KCNQ1: variants seen among roughly 807,000 people sequenced by gnomAD.
The protein encoded by KCNQ1 is potassium voltage-gated channel subfamily KQT member 1.
Under a neutral mutation model 72.4 loss-of-function variants are expected in KCNQ1, and 49 were observed. That is an observed-to-expected ratio of 0.68 (90% confidence interval 0.54 to 0.86). The LOEUF is 0.86. Ranked by LOEUF, KCNQ1 falls within the 40% of genes least tolerant of loss-of-function variation. The probability of loss-of-function intolerance (pLI) is 0.00; values close to 1 mark genes in which losing one functional copy is unlikely to be tolerated. For synonymous variants in KCNQ1, 450 were observed against 412.6 expected (o/e 1.09, Z -1.10); for missense variants, 790 against 945.1 (o/e 0.84, Z 2.15).
At position 2,668,937 on chromosome 11, in the gene KCNQ1, T is replaced by C. The variant is rs1850132246; in HGVS notation, c.1514+6856T>C. ...GCTTTATTAGCTCACCTTTCCCATG[T>C]AGATCTGCACTCCATCTGGGATTGA... On this transcript the variant is annotated intron_variant, in intron 11 of 15. Transcript: ENST00000155840. The surrounding 1 kb of genome is among the most constrained non-coding windows in gnomAD (Gnocchi z 4.3). 2.5e-6 allele frequency: 1 copy of C among 398,624 alleles called. No individual in the cohort carries two copies. Among genetic ancestry groups the C allele is most frequent in the Admixed American group, 4.4e-5 (1 of 22,742 alleles). 24.7% of individuals were successfully genotyped at this position (398,624 alleles called of 1,614,324 possible).
chr11:2,832,706 G>C (rs911962467), intron 15 of KCNQ1, among the ~76,000 whole-genome samples: 12 of 152,236 alleles, frequency 7.9e-5, no homozygotes, highest in Admixed American at 3.3e-4. Context: ...GTGTGGAGAA[G>C]GTTGCTGATG....
Position 2,709,956 on chromosome 11 carries a change from G to A in KCNQ1, c.1514+47875G>A, listed in dbSNP as rs1318104569. Reference sequence around the variant, plus strand: ...AATACTGCCAGGAACATTTGGGTACGAGTTTTTATTGTGGACATAGATTTT... The same window carrying A: ...AATACTGCCAGGAACATTTGGGTACAAGTTTTTATTGTGGACATAGATTTT... On this transcript the variant is annotated intron_variant, in intron 11 of 15. Transcript: ENST00000155840. Among the ~76,000 whole-genome samples, 7 of 152,166 alleles carry A rather than the reference G, an allele frequency of 4.6e-5. No homozygotes were observed. In the East Asian group the frequency reaches 1.2e-3, roughly 25 times the overall value.
rs186296307 is a variant in KCNQ1 at position 2,564,746 on chromosome 11, C to T, written c.478-5882C>T. Among the ~76,000 whole-genome samples the T allele has an allele frequency of 1.1e-3, 165 of 152,336 alleles. 1 individual carries two copies. The highest frequency in any genetic ancestry group is 3.8e-3 in the African/African-American group (159 of 41,572). ...CCCATTAAACACTCACTCCCTACTC[C>T]CCCTTCCCCAGCCCCTGGCGCCCAT... is the stretch of plus-strand genomic sequence containing the variant. On this transcript the variant is annotated intron_variant, in intron 2 of 15. Coordinates refer to ENST00000155840, the MANE Select transcript of KCNQ1 (RefSeq NM_000218.3). The surrounding 1 kb of genome is among the most constrained non-coding windows in gnomAD (Gnocchi z 4.5).
At position 2,715,844 on chromosome 11, in the gene KCNQ1, G is replaced by A. The variant is rs1015131291; in HGVS notation, c.1515-53000G>A. ...CTTGCGCTGGTCTAAATGCCTCCCA[G>A]CCTCCTGAGGTTGAGGGTGGCCACA... On this transcript the variant is annotated intron_variant, in intron 11 of 15. Coordinates refer to ENST00000155840, the MANE Select transcript of KCNQ1 (RefSeq NM_000218.3). This position sits in a 1 kb window ranked among gnomAD's most constrained non-coding sequence, Gnocchi z 4.9. Among the ~76,000 whole-genome samples, 1 of 152,234 alleles carries A rather than the reference G, an allele frequency of 6.6e-6. No individual in the cohort carries two copies. The highest frequency in any genetic ancestry group is 6.5e-5 in the Admixed American group (1 of 15,288).
Position 2,626,992 on chromosome 11 carries a change from G to A in KCNQ1, c.1394-34969G>A. The stretch of plus-strand genomic sequence containing the variant: ...TAGGATTTTTATTGGGATTACCTTG[G>A]ATTTGTAGATTGTTTTGTGTGGTAC... On this transcript the variant is annotated intron_variant, in intron 10 of 15. Transcript: ENST00000155840. The surrounding 1 kb of genome is among the most constrained non-coding windows in gnomAD (Gnocchi z 4.0). The A allele has an allele frequency of 2.5e-6, 1 of 398,532 alleles. No homozygotes were observed. The allele number at this position is 398,532 out of a possible 1,614,324, so 24.7% of individuals were successfully genotyped here.
rs1849948253 is a variant in KCNQ1, at chr11:2,661,085, G to A, written c.1394-876G>A. 2.5e-6 allele frequency: 1 copy of A among 398,348 alleles called. No homozygotes were observed. Among genetic ancestry groups the A allele is most frequent in the African/African-American group, 2.1e-5 (1 of 48,586 alleles). The allele number at this position is 398,348 out of a possible 1,614,324, so 24.7% of individuals were successfully genotyped here. On this transcript the variant is annotated intron_variant, in intron 10 of 15. Transcript: ENST00000155840. This position sits in a 1 kb window ranked among gnomAD's most constrained non-coding sequence, Gnocchi z 5.9. The stretch of plus-strand genomic sequence containing the variant: ...ACAGAGTCACAGTGACATCCCATGT[G>A]CATAAAAGCAACTCCCACCTGGCAT...
intron 2 of KCNQ1, among the ~76,000 whole-genome samples, chr11:2,553,122 TG>T (rs1324443649): frequency 6.6e-6 from 1 of 152,144 alleles, no homozygotes; most frequent in East Asian, 1.9e-4. Flanking sequence ...CTTATTAGTT[TG>T]AGAAGGTTTC....
rs905951018 is a variant in KCNQ1 at position 2,704,656 on chromosome 11, G to A, written c.1514+42575G>A. ...AGCAGGGTGAGGGGGAAGACTACGG[G>A]GGACTTGCCGTCACCCAGTGAGAGA... On this transcript the variant is annotated intron_variant, in intron 11 of 15. Transcript: ENST00000155840. This position sits in a 1 kb window ranked among gnomAD's most constrained non-coding sequence, Gnocchi z 4.3. Among the ~76,000 whole-genome samples the A allele has an allele frequency of 1.3e-5, 2 of 152,204 alleles. No homozygotes were observed. The highest frequency in any genetic ancestry group is 6.5e-5 in the Admixed American group (1 of 15,282).
Position 2,711,904 on chromosome 11 carries a change from G to A in KCNQ1, c.1514+49823G>A, listed in dbSNP as rs1409842572. 6.6e-6 allele frequency among the ~76,000 whole-genome samples: 1 copy of A among 152,122 alleles called. No homozygotes were observed. The highest frequency in any genetic ancestry group is 1.5e-5 in the Non-Finnish European group (1 of 68,006). ...CGGGAAAGGCTGGCCCTGAGGCATGGCAGGTGGCAGGTGGCTGGGGCTGCT... is the reference window on the plus strand; with the variant it reads ...CGGGAAAGGCTGGCCCTGAGGCATGACAGGTGGCAGGTGGCTGGGGCTGCT... On this transcript the variant is annotated intron_variant, in intron 11 of 15. Transcript: ENST00000155840. This position sits in a 1 kb window ranked among gnomAD's most constrained non-coding sequence, Gnocchi z 5.4.
In KCNQ1 at chr11:2,515,531, A is replaced by G. The variant is rs1345877108; in HGVS notation, c.387-12397A>G. 6.6e-6 allele frequency among the ~76,000 whole-genome samples: 1 copy of G among 150,598 alleles called. No homozygotes were observed. The highest frequency in any genetic ancestry group is 2.4e-5 in the African/African-American group (1 of 41,062). On this transcript the variant is annotated intron_variant, in intron 1 of 15. Coordinates refer to ENST00000155840, the MANE Select transcript of KCNQ1 (RefSeq NM_000218.3). The surrounding 1 kb of genome is among the most constrained non-coding windows in gnomAD (Gnocchi z 4.7). ...AGCCGCCATCAGTGGGGGTGAGGGG[A>G]CAAGGCTGCTGGGACCAGGCCTCGC...
rs975641311 is a variant in KCNQ1, at chr11:2,483,812, T to C, written c.386+38328T>C. On this transcript the variant is annotated intron_variant, in intron 1 of 15. Coordinates refer to ENST00000155840, the MANE Select transcript of KCNQ1 (RefSeq NM_000218.3). This position sits in a 1 kb window ranked among gnomAD's most constrained non-coding sequence, Gnocchi z 6.1. ...ACCACTCAGGTAGGAGTGTGTCAGC[T>C]GGGCTTCTCAGCTGTAAATTAACCA... is the stretch of plus-strand genomic sequence containing the variant. Among the ~76,000 whole-genome samples the C allele has an allele frequency of 5.3e-5, 8 of 152,266 alleles. No individual in the cohort carries two copies. The highest frequency in any genetic ancestry group is 3.3e-4 in the Admixed American group (5 of 15,288).
chr11:2,631,964 C>G (rs773154697), intron 10 of KCNQ1: 2 of 396,642 alleles, frequency 5.0e-6, no homozygotes, highest in Non-Finnish European at 8.9e-6. Flanking sequence ...GGGCAGATCA[C>G]AAGGTCAGGA....
At chr11:2,773,056 A>T (rs113551041) in intron 12 of KCNQ1, among the ~76,000 whole-genome samples, 1 of 152,162 alleles carries the variant, frequency 6.6e-6, no homozygotes, top group South Asian at 2.1e-4. Flanking sequence ...CTCAACTCCC[A>T]TCCTATGTCA....
In KCNQ1 at chr11:2,725,858, A is replaced by G. The variant is rs904792116; in HGVS notation, c.1515-42986A>G. ...CTCTGAGAGCTCCCTGGGGCCCCAC[A>G]GGCCAAGCGTTTTCTGACTTGGAGA... On this transcript the variant is annotated intron_variant, in intron 11 of 15. Transcript: ENST00000155840. This position sits in a 1 kb window ranked among gnomAD's most constrained non-coding sequence, Gnocchi z 7.2. Among the ~76,000 whole-genome samples the G allele has an allele frequency of 1.4e-5, 2 of 145,924 alleles. No homozygotes were observed. The highest frequency in any genetic ancestry group is 3.0e-5 in the Non-Finnish European group (2 of 67,038).
rs1056364768 is a variant in KCNQ1 at position 2,679,946 on chromosome 11, T to C, written c.1514+17865T>C. The C allele has an allele frequency of 1.0e-5, 4 of 397,460 alleles. No homozygotes were observed. The highest frequency in any genetic ancestry group is 2.1e-5 in the African/African-American group (1 of 48,592). The allele number at this position is 397,460 out of a possible 1,614,324, so 24.6% of individuals were successfully genotyped here. ...TCTCACTTTGTCACCTAGGCGGGAA[T>C]GCAGTGGCACAGTCTCGGCTTACTG... On this transcript the variant is annotated intron_variant, in intron 11 of 15. Coordinates refer to ENST00000155840, the MANE Select transcript of KCNQ1 (RefSeq NM_000218.3). This position sits in a 1 kb window ranked among gnomAD's most constrained non-coding sequence, Gnocchi z 4.8.
chr11:2,683,483 T>C lies in KCNQ1; in HGVS notation c.1514+21402T>C. The stretch of plus-strand genomic sequence containing the variant: ...GATTCCATCAATGACAGTTTTCCTA[T>C]TAAAACATAACTTGTTAAAGCATAG... On this transcript the variant is annotated intron_variant, in intron 11 of 15. Transcript: ENST00000155840. This position sits in a 1 kb window ranked among gnomAD's most constrained non-coding sequence, Gnocchi z 4.7. 2.5e-6 allele frequency: 1 copy of C among 398,640 alleles called. No homozygotes were observed. Among genetic ancestry groups the C allele is most frequent in the South Asian group, 1.3e-4 (1 of 7,862 alleles). 24.7% of individuals were successfully genotyped at this position (398,640 alleles called of 1,614,324 possible).
chr11:2,662,239 A>G (rs1456776484), intron 11 of KCNQ1, 158 bp downstream of exon 11: 26 of 887,982 alleles, frequency 2.9e-5, no homozygotes, highest in Non-Finnish European at 1.7e-5. Flanking sequence ...CGGAGGCACC[A>G]GGCAAGAGAG....
rs768307671 is a variant in KCNQ1, at chr11:2,543,653, C to T, written c.477+15635C>T. ...TTTTTCCTTTTAAATATGTTTCATG[C>T]TTTTCACATTCTATTTAGGAAATGC... On this transcript the variant is annotated intron_variant, in intron 2 of 15. Transcript: ENST00000155840. This position sits in a 1 kb window ranked among gnomAD's most constrained non-coding sequence, Gnocchi z 5.6. Among the ~76,000 whole-genome samples, 1 of 152,164 alleles carries T rather than the reference C, an allele frequency of 6.6e-6. No homozygotes were observed. The highest frequency in any genetic ancestry group is 2.4e-5 in the African/African-American group (1 of 41,442).
At chr11:2,615,654 C>G (rs1175191006) in intron 10 of KCNQ1, 2 of 397,832 alleles carry the variant, frequency 5.0e-6, no homozygotes, top group Non-Finnish European at 8.9e-6. Flanking sequence ...GATTTTTTAT[C>G]CTTCATTGTA....
Sources: allele counts gnomAD v4.1 joint callset (sites outside exome capture counted in the v4.1 genomes callset), GRCh38; gene constraint gnomAD v4.1.1; non-coding constraint Gnocchi (gnomAD v3.1); transcripts MANE v1.5; gene names NCBI Gene and HGNC (gene_info 2026-07-23, HGNC 2026-07-21).